The following PRDM4 variants were observed in gnomAD, a reference collection of about 807,000 sequenced individuals.
The protein encoded by PRDM4 is PR/SET domain 4.
Under a neutral mutation model 62.3 loss-of-function variants are expected in PRDM4, and 38 were observed. That is an observed-to-expected ratio of 0.61 (90% CI 0.47 to 0.80). The LOEUF (loss-of-function observed/expected upper bound fraction) is 0.80. PRDM4 is among the 30% of genes least tolerant of loss of function. The pLI, the probability that PRDM4 is intolerant of heterozygous loss-of-function variation, is 0.00. For missense variants in PRDM4, 858 were observed against 997.1 expected (o/e 0.86, Z 1.88); for synonymous variants, 339 against 348.2 (o/e 0.97, Z 0.30).
chr12:107,758,945 C>A (rs976213153), intron 2 of PRDM4, among the ~76,000 whole-genome samples: 21 of 152,186 alleles, frequency 1.4e-4, no homozygotes, highest in African/African-American at 4.8e-4. Context: ...TTATGAAGAA[C>A]AGCATGCTAA....
At chr12:107,749,888 A>G (rs1237188625) in intron 5 of PRDM4, among the ~76,000 whole-genome samples, 3 of 151,904 alleles carry the variant, frequency 2.0e-5, no homozygotes, top group African/African-American at 7.3e-5. Context: ...CTTCACCCTC[A>G]TTTTATGCTT....
At chr12:107,758,952 C>T (rs991911050) in intron 2 of PRDM4, among the ~76,000 whole-genome samples, 2 of 152,176 alleles carry the variant, frequency 1.3e-5, no homozygotes, top group Non-Finnish European at 2.9e-5. Context: ...GAACAGCATG[C>T]TAATAACAGT....
chr12:107,757,659 TA>T lies in PRDM4; in HGVS notation c.12-695del, dbSNP rs142472559. Among the ~76,000 whole-genome samples the T allele has an allele frequency of 2.7e-3, 417 of 152,302 alleles. 2 individuals are homozygous for T. Among genetic ancestry groups the T allele is most frequent in the Admixed American group, 5.8e-3 (88 of 15,302 alleles). On this transcript the variant is annotated intron_variant, in intron 2 of 11. Transcript: ENST00000228437. ...CATATGCCCCAAATCACATAGCTAT[TA>T]AGTGAAAGATCACAGATCAAACTGC...
chr12:107,741,292 A>G (rs1566093605), intron 9 of PRDM4, 32 bp from the exon 10 acceptor site: 1 of 1,556,956 alleles, frequency 6.4e-7, no homozygotes, highest in Non-Finnish European at 8.8e-7. Context: ...TTATCTCCCA[A>G]TACTTGAATC....
chr12:107,750,692 C>G (rs1890860220), intron 5 of PRDM4, among the ~76,000 whole-genome samples: 1 of 151,892 alleles, frequency 6.6e-6, no homozygotes, highest in Non-Finnish European at 1.5e-5. Flanking sequence ...GCACTCTGAG[C>G]AAAGAAAAAA....
Position 107,760,783 on chromosome 12 carries a change from G to A in PRDM4, c.-256-12C>T. 1 of 468,194 alleles carries A rather than the reference G, an allele frequency of 2.1e-6. No individual in the cohort carries two copies. The highest frequency in any genetic ancestry group is 2.6e-5 in the South Asian group (1 of 38,544). 29.0% of individuals were successfully genotyped at this position (468,194 alleles called of 1,614,324 possible). A position where few individuals can be genotyped will look rare whatever the true frequency, so the allele number is the denominator to read the frequency against. On this transcript the variant is annotated splice_polypyrimidine_tract_variant and intron_variant, in intron 1 of 11. Coordinates refer to ENST00000228437, the MANE Select transcript of PRDM4 (RefSeq NM_012406.4). The stretch of plus-strand genomic sequence containing the variant: ...GGGGGCTGCCCAACCTGGGGGAGTG[G>A]GGACAAGAGCGGTCACCAAAACCAC...
At position 107,734,518 on chromosome 12, in the gene PRDM4, G is replaced by A. The variant is rs747069656; in HGVS notation, c.2098C>T (p.Arg700Cys). The change falls in exon 12 of 12, where the codon CGC becomes TGC. Residue 700 changes from arginine (R) to cysteine (C), a missense_variant. This residue lies in a region of PRDM4 where 355 missense variants were observed against 432.6 expected (regional missense o/e 0.82). Coordinates refer to ENST00000228437, the MANE Select transcript of PRDM4 (RefSeq NM_012406.4). ...KQHVLIHTQE[R>C]QIKCPKCDKL... ...TCACACTTGGGACACTTGATCTGGC[G>A]TTCTCTAAGAGGAACACAAGAAAAA... 1.1e-5 allele frequency: 18 copies of A among 1,609,234 alleles called. No individual in the cohort carries two copies. In the South Asian group the frequency reaches 1.3e-4, roughly 12 times the overall value.
chr12:107,756,211 G>A (rs2136334037), intron 3 of PRDM4, among the ~76,000 whole-genome samples: 1 of 152,282 alleles, frequency 6.6e-6, no homozygotes, highest in South Asian at 2.1e-4. Context: ...AGTGAGCCGA[G>A]ATCGTGCCCC....
chr12:107,746,685 A>G (rs970491262), intron 5 of PRDM4, among the ~76,000 whole-genome samples: 1 of 151,978 alleles, frequency 6.6e-6, no homozygotes, highest in African/African-American at 2.4e-5. Flanking sequence ...AGGTTTCCTC[A>G]TGTTGGCCAG....
intron 7 of PRDM4, 23 bp from the exon 8 acceptor site, chr12:107,743,305 CAT>C (rs1890580553): frequency 2.6e-6 from 4 of 1,528,154 alleles, no homozygotes; most frequent in East Asian, 2.2e-5. Context: ...AGCAAGCACA[CAT>C]GTCAAATGCA....
chr12:107,759,599 C>G (rs1297693560), intron 2 of PRDM4, among the ~76,000 whole-genome samples: 2 of 152,346 alleles, frequency 1.3e-5, no homozygotes, highest in South Asian at 2.1e-4. Flanking sequence ...AGAGGCTCAG[C>G]AGATTTCTGC....
chr12:107,748,530 C>T (rs1288217082), intron 5 of PRDM4, among the ~76,000 whole-genome samples: 3 of 152,296 alleles, frequency 2.0e-5, no homozygotes, highest in East Asian at 3.9e-4. Context: ...CATGCTACAA[C>T]ATGGATGAGA....
chr12:107,741,990 A>G (rs560069454), intron 9 of PRDM4, among the ~76,000 whole-genome samples: 41 of 152,184 alleles, frequency 2.7e-4, no homozygotes, highest in Non-Finnish European at 5.1e-4. Flanking sequence ...GCCCCAAACC[A>G]AAGTCCTACC....
intron 5 of PRDM4, among the ~76,000 whole-genome samples, chr12:107,747,184 A>C (rs147838256): frequency 0.01 from 1,569 of 152,266 alleles, 16 homozygotes; most frequent in Non-Finnish European, 0.016. Context: ...AATCAAGTAC[A>C]TTATCCCTTA....
At chr12:107,757,032 A>C in intron 2 of PRDM4, 67 bp from the exon 3 acceptor site, 1 of 1,526,660 alleles carries the variant, frequency 6.6e-7, no homozygotes, top group South Asian at 1.2e-5. Flanking sequence ...TAAGATACTG[A>C]AGAAACTGAA....
chr12:107,742,578 T>C (rs546735456), intron 8 of PRDM4: 1 of 512,204 alleles, frequency 2.0e-6, no homozygotes, highest in East Asian at 3.6e-5. Flanking sequence ...AACACTACAG[T>C]CTGTTATTGG....
Position 107,752,039 on chromosome 12 carries a change from G to T in PRDM4, c.502C>A (p.Arg168Ser). Reference sequence around the variant, plus strand: ...TGGGCACCATGTGTGTTCACAGAGCGAGAGTCTATTGAAACAATGCCTGGT... The same window carrying T: ...TGGGCACCATGTGTGTTCACAGAGCTAGAGTCTATTGAAACAATGCCTGGT... The part of the protein sequence containing the change: ...LEPGIVSIDS[R>S]SVNTHGAQSL... The change falls in exon 5 of 12, where the codon CGC becomes AGC. Residue 168 changes from arginine to serine, a missense_variant. By Grantham distance (110) the Arg-to-Ser change is moderately radical. Coordinates refer to ENST00000228437, the MANE Select transcript of PRDM4 (RefSeq NM_012406.4). The T allele has an allele frequency of 6.2e-7, 1 of 1,614,136 alleles. No individual in the cohort carries two copies. The highest frequency in any genetic ancestry group is 1.3e-5 in the African/African-American group (1 of 75,038).
chr12:107,742,076 C>T, intron 9 of PRDM4, 145 bp downstream of exon 9: 2 of 887,242 alleles, frequency 2.3e-6, no homozygotes, highest in Non-Finnish European at 3.3e-6. Flanking sequence ...GATTTTAACA[C>T]CTCAAATACA....
At position 107,755,906 on chromosome 12, in the gene PRDM4, G is replaced by A. The variant is rs934328929; in HGVS notation, c.145+926C>T. On this transcript the variant is annotated intron_variant, in intron 3 of 11. Transcript: ENST00000228437. Reference sequence around the variant, plus strand: ...TCGAGACCAGCCTGGCTAATATGGTGAAACCCCGTTTCTACTAAAAATACA... The same window carrying A: ...TCGAGACCAGCCTGGCTAATATGGTAAAACCCCGTTTCTACTAAAAATACA... Among the ~76,000 whole-genome samples the A allele has an allele frequency of 3.3e-5, 5 of 152,314 alleles. No individual in the cohort carries two copies. In the East Asian group the frequency reaches 9.7e-4, roughly 29 times the overall value.
Sources: allele counts gnomAD v4.1 joint callset (sites outside exome capture counted in the v4.1 genomes callset), GRCh38; gene constraint gnomAD v4.1.1; regional missense constraint gnomAD v4.1.1; transcripts MANE v1.5; gene names NCBI Gene and HGNC (gene_info 2026-07-23, HGNC 2026-07-21).